The following PARD3B variants were observed in gnomAD, a reference collection of about 807,000 sequenced individuals.
PARD3B encodes par-3 family cell polarity regulator beta.
Under a neutral mutation model 130.2 loss-of-function variants are expected in PARD3B, and 103 were observed. That is an observed-to-expected ratio of 0.79 (90% CI 0.67 to 0.93). The LOEUF (loss-of-function observed/expected upper bound fraction) is 0.93. PARD3B is among the 40% of genes least tolerant of loss of function. The pLI is 0.00. For synonymous variants in PARD3B, 583 were observed against 553.2 expected (o/e 1.05, Z -0.76); for missense variants, 1,609 against 1,499.2 (o/e 1.07, Z -1.21).
At chr2:204,634,069 G>C (rs2034787283) in intron 1 of PARD3B, among the ~76,000 whole-genome samples, 1 of 152,050 alleles carries the variant, frequency 6.6e-6, no homozygotes, top group Admixed American at 6.6e-5. Flanking sequence ...CAAATAGTAG[G>C]CCTTATTCAT....
chr2:204,603,969 A>G (rs2033613328), intron 1 of PARD3B, among the ~76,000 whole-genome samples: 1 of 152,130 alleles, frequency 6.6e-6, no homozygotes, highest in African/African-American at 2.4e-5. Flanking sequence ...GTTTTATCAG[A>G]TTCATAACTC....
intron 18 of PARD3B, among the ~76,000 whole-genome samples, chr2:205,399,099 T>C (rs2046145441): frequency 1.3e-5 from 2 of 151,890 alleles, no homozygotes; most frequent in Admixed American, 1.3e-4. Flanking sequence ...TGAAACCCCG[T>C]CTCTACTAAA....
chr2:205,586,112 A>G (rs565268458), intron 22 of PARD3B, among the ~76,000 whole-genome samples: 1 of 152,326 alleles, frequency 6.6e-6, no homozygotes, highest in East Asian at 1.9e-4. Context: ...ACCCATCTTG[A>G]CAAATTCTCT....
chr2:205,076,724 C>G (rs1242996585), intron 4 of PARD3B, among the ~76,000 whole-genome samples: 1 of 152,148 alleles, frequency 6.6e-6, no homozygotes, highest in East Asian at 1.9e-4. Context: ...GAGAATCTAA[C>G]TAATGCCTGA....
At chr2:205,399,048 C>G (rs1416370129) in intron 18 of PARD3B, among the ~76,000 whole-genome samples, 2 of 152,078 alleles carry the variant, frequency 1.3e-5, no homozygotes, top group African/African-American at 4.8e-5. Context: ...GAGGGCAGAT[C>G]AGCTGAGTTC....
intron 21 of PARD3B, among the ~76,000 whole-genome samples, chr2:205,509,561 C>T (rs967469411): frequency 2.6e-5 from 4 of 152,124 alleles, no homozygotes; most frequent in African/African-American, 4.8e-5. Context: ...ATTCTCAGTA[C>T]AGATAGTCTC....
In PARD3B at chr2:204,887,457, G is replaced by A. The variant is rs1420696901; in HGVS notation, c.223-77695G>A. Among the ~76,000 whole-genome samples the A allele has an allele frequency of 6.6e-6, 1 of 152,184 alleles. No individual in the cohort carries two copies. Among genetic ancestry groups the A allele is most frequent in the Non-Finnish European group, 1.5e-5 (1 of 68,040 alleles). ...CTGCAGCCCAGTCACTTTCGAGATA[G>A]CCTGTCTGCATGTTGGCTAGTTGTA... On this transcript the variant is annotated intron_variant, in intron 2 of 22. Coordinates refer to ENST00000406610, the MANE Select transcript of PARD3B (RefSeq NM_001302769.2). The surrounding 1 kb of genome is among the most constrained non-coding windows in gnomAD (Gnocchi z 4.2).
chr2:205,534,069 A>G (rs76731811), intron 21 of PARD3B, among the ~76,000 whole-genome samples: 2 of 144,792 alleles, frequency 1.4e-5, no homozygotes, highest in East Asian at 1.9e-4. Context: ...AAAAAAAAAA[A>G]GGGACAAGAA....
At chr2:205,139,079 T>C (rs2032728538) in intron 10 of PARD3B, among the ~76,000 whole-genome samples, 1 of 152,270 alleles carries the variant, frequency 6.6e-6, no homozygotes, top group Middle Eastern at 3.4e-3. Flanking sequence ...ACCCATCCAA[T>C]AGAATGCAAA....
intron 2 of PARD3B, among the ~76,000 whole-genome samples, chr2:204,776,748 T>G (rs1455674338): frequency 6.6e-6 from 1 of 151,924 alleles, no homozygotes; most frequent in Non-Finnish European, 1.5e-5. Context: ...CCAGAGGAAT[T>G]CGGATATTTG....
At position 205,122,013 on chromosome 2, in the gene PARD3B, A is replaced by G; in HGVS notation, c.1165+64A>G. 2.2e-6 allele frequency: 3 copies of G among 1,351,030 alleles called. No homozygotes were observed. The highest frequency in any genetic ancestry group is 2.8e-5 in the South Asian group (2 of 71,882). 83.7% of individuals were successfully genotyped at this position (1,351,030 alleles called of 1,614,324 possible). The stretch of plus-strand genomic sequence containing the variant: ...TAACATGTAAAATTGGTTAAGAGAA[A>G]TGCATTAAGGCTAATTTAGTTAATT... On this transcript the variant is annotated intron_variant, in intron 8 of 22. Transcript: ENST00000406610. The surrounding 1 kb of genome is among the most constrained non-coding windows in gnomAD (Gnocchi z 4.3).
chr2:204,563,214 GCTGTCTCTCTCTCTCTCT>G (rs1422790437), intron 1 of PARD3B, among the ~76,000 whole-genome samples: 760 of 55,052 alleles, frequency 0.014, 7 homozygotes, highest in African/African-American at 0.041. Context: ...CCGTCTTCCC[GCTGTCTCTCTCTCTCTCT>G]CTCTCTCTCT....
In PARD3B at chr2:205,572,441, T is replaced by C. The variant is rs2053591085; in HGVS notation, c.3260+19038T>C. The stretch of plus-strand genomic sequence containing the variant: ...TAGAGAAAGCCCCTTGATAATTTCA[T>C]GGAAAATAAATTGGAGAGACAGGCC... On this transcript the variant is annotated intron_variant, in intron 22 of 22. Coordinates refer to ENST00000406610, the MANE Select transcript of PARD3B (RefSeq NM_001302769.2). This position sits in a 1 kb window ranked among gnomAD's most constrained non-coding sequence, Gnocchi z 4.2. Among the ~76,000 whole-genome samples the C allele has an allele frequency of 6.6e-6, 1 of 152,160 alleles. No homozygotes were observed. Among genetic ancestry groups the C allele is most frequent in the Non-Finnish European group, 1.5e-5 (1 of 68,028 alleles).
intron 3 of PARD3B, among the ~76,000 whole-genome samples, chr2:205,045,128 T>A (rs1263854024): frequency 4.0e-5 from 6 of 150,014 alleles, no homozygotes; most frequent in African/African-American, 1.5e-4. Context: ...TTTTTTTTTT[T>A]ATGTTTCAAA....
chr2:205,408,605 T>C (rs1877340), intron 19 of PARD3B, among the ~76,000 whole-genome samples: 464 of 152,300 alleles, frequency 3.0e-3, no homozygotes, highest in African/African-American at 5.0e-3. Flanking sequence ...GATAGTATTT[T>C]GTCATTATTG....
chr2:205,517,195 G>C (rs1304277348), intron 21 of PARD3B, among the ~76,000 whole-genome samples: 2 of 152,080 alleles, frequency 1.3e-5, no homozygotes, highest in African/African-American at 4.8e-5. Context: ...TTTTGCATCA[G>C]TGTTCATCAA....
intron 22 of PARD3B, among the ~76,000 whole-genome samples, chr2:205,560,571 A>C (rs760768759): frequency 3.9e-5 from 6 of 152,214 alleles, no homozygotes; most frequent in African/African-American, 7.2e-5. Context: ...GGAAGAAAAA[A>C]GGTGACAGTA....
At chr2:205,586,421 CTT>C (rs776541708) in intron 22 of PARD3B, among the ~76,000 whole-genome samples, 5 of 152,154 alleles carry the variant, frequency 3.3e-5, no homozygotes, top group Non-Finnish European at 5.9e-5. Context: ...GATTTTCTCT[CTT>C]GTCACCTAGT....
At chr2:205,191,146 CAT>C (rs930309934) in intron 14 of PARD3B, among the ~76,000 whole-genome samples, 5 of 148,094 alleles carry the variant, frequency 3.4e-5, no homozygotes, top group Admixed American at 1.3e-4. Context: ...TTTATGAAAA[CAT>C]GTGAAATCTC....
Sources: gnomAD v4.1 joint callset for allele counts (sites outside exome capture counted in the v4.1 genomes callset) on GRCh38, gnomAD v4.1.1 for gene constraint, Gnocchi (gnomAD v3.1) non-coding constraint, MANE v1.5 for transcripts, NCBI Gene and HGNC (gene_info 2026-07-23, HGNC 2026-07-21) for gene names.